SPAG16: variants seen among roughly 807,000 people sequenced by gnomAD.
SPAG16 encodes sperm-associated antigen 16 protein.
A neutral mutation model predicts 80.4 loss-of-function variants in SPAG16; 86 were observed. That is an observed-to-expected ratio of 1.07 (90% CI 0.90 to 1.28). The LOEUF (loss-of-function observed/expected upper bound fraction) is 1.28, where lower values mean the gene tolerates loss of function less well. Among genes scored for constraint, SPAG16 ranks in the 50% most tolerant of loss-of-function variants. SPAG16 has a pLI of 0.00. For missense variants in SPAG16, 870 were observed against 765.3 expected, an observed-to-expected ratio of 1.14 and a Z score of -1.61; for synonymous variants, 294 against 265.9, an observed-to-expected ratio of 1.11 and a Z score of -1.03.
At chr2:213,656,104 C>A (rs530041333) in intron 10 of SPAG16, among the ~76,000 whole-genome samples, 1 of 152,362 alleles carries the variant, frequency 6.6e-6, no homozygotes, top group Admixed American at 6.5e-5. Flanking sequence ...CCCGAATATG[C>A]TGCTATAGAC....
chr2:214,027,181 T>C (rs910258616), intron 13 of SPAG16, among the ~76,000 whole-genome samples: 1 of 151,618 alleles, frequency 6.6e-6, no homozygotes, highest in African/African-American at 2.4e-5. Context: ...TTTCCAATTT[T>C]TGTATGCTAT....
chr2:213,851,484 G>T (rs1224253264), intron 10 of SPAG16, among the ~76,000 whole-genome samples: 4 of 152,138 alleles, frequency 2.6e-5, no homozygotes, highest in Non-Finnish European at 5.9e-5. Flanking sequence ...CTCCAGCCTG[G>T]GTGACAGAGC....
intron 10 of SPAG16, among the ~76,000 whole-genome samples, chr2:213,597,688 G>T (rs994093700): frequency 6.6e-6 from 1 of 151,736 alleles, no homozygotes; most frequent in Non-Finnish European, 1.5e-5. Flanking sequence ...TACAAATGCC[G>T]CTATTTCATT....
chr2:213,958,565 G>A (rs542524756), intron 12 of SPAG16, among the ~76,000 whole-genome samples: 10 of 152,190 alleles, frequency 6.6e-5, no homozygotes, highest in African/African-American at 1.7e-4. Context: ...CCCTTTACAG[G>A]TCAGTTCCCA....
intron 10 of SPAG16, among the ~76,000 whole-genome samples, chr2:213,828,202 C>CT (rs1189189395): frequency 6.6e-6 from 1 of 151,864 alleles, no homozygotes; most frequent in Non-Finnish European, 1.5e-5. Context: ...TGTGCTTATT[C>CT]TTTTTTATTC....
chr2:214,083,235 T>A (rs1489804933), intron 13 of SPAG16, among the ~76,000 whole-genome samples: 2 of 152,160 alleles, frequency 1.3e-5, no homozygotes. Context: ...TGAGACCTCT[T>A]GTCCAGGGCC....
rs112613257 is a variant in SPAG16 at position 213,859,993 on chromosome 2, T to TTGATGATGATGA, written c.1071-2476_1071-2465dup. 9.0e-4 allele frequency among the ~76,000 whole-genome samples: 136 copies of TTGATGATGATGA among 150,674 alleles called. 1 individual carries two copies. Among genetic ancestry groups the TTGATGATGATGA allele is most frequent in the African/African-American group, 1.7e-3 (70 of 41,110 alleles). ...CAATGTTAAATATCATTACCATTAG[T>TTGATGATGATGA]TGATGATGATGATGATGATGATGAT... On this transcript the variant is annotated intron_variant, in intron 10 of 15. Transcript: ENST00000331683.
chr2:213,666,248 C>A (rs1418627603), intron 10 of SPAG16, among the ~76,000 whole-genome samples: 2 of 152,102 alleles, frequency 1.3e-5, no homozygotes, highest in East Asian at 3.9e-4. Context: ...TCAGGGAGCT[C>A]TCAAGCTTCT....
chr2:213,914,415 AATTT>A (rs958597287), intron 11 of SPAG16, among the ~76,000 whole-genome samples: 21 of 152,194 alleles, frequency 1.4e-4, no homozygotes, highest in African/African-American at 5.1e-4. Context: ...CCTTAGCAGA[AATTT>A]ATTTATTTTA....
intron 11 of SPAG16, among the ~76,000 whole-genome samples, chr2:213,898,467 A>T (rs2106113072): frequency 6.6e-6 from 1 of 152,254 alleles, no homozygotes; most frequent in East Asian, 1.9e-4. Flanking sequence ...GAAAACTGTG[A>T]TCTTTTCTGG....
chr2:214,082,926 A>T (rs1318313529), intron 13 of SPAG16, among the ~76,000 whole-genome samples: 1 of 152,060 alleles, frequency 6.6e-6, no homozygotes, highest in Non-Finnish European at 1.5e-5. Context: ...AAATAACTCT[A>T]CCATTTACCA....
At chr2:213,379,257 T>G (rs1197741587) in intron 9 of SPAG16, among the ~76,000 whole-genome samples, 1 of 152,164 alleles carries the variant, frequency 6.6e-6, no homozygotes, top group Non-Finnish European at 1.5e-5. Flanking sequence ...GAATCCTGGC[T>G]ATGGGAGAAA....
chr2:213,688,564 A>T (rs1327340937), intron 10 of SPAG16, among the ~76,000 whole-genome samples: 8 of 152,228 alleles, frequency 5.3e-5, no homozygotes, highest in African/African-American at 1.9e-4. Flanking sequence ...AAGTCACGAT[A>T]TATAGGGTTA....
chr2:214,371,488 C>T (rs1699810172), intron 15 of SPAG16, among the ~76,000 whole-genome samples: 1 of 144,020 alleles, frequency 6.9e-6, no homozygotes, highest in Non-Finnish European at 1.5e-5. Context: ...GCCAAGATTA[C>T]ACCATTGCAC....
At chr2:214,250,747 TATATATATATAG>T (rs1418114671) in intron 15 of SPAG16, among the ~76,000 whole-genome samples, 31 of 90,464 alleles carry the variant, frequency 3.4e-4, no homozygotes, top group African/African-American at 6.7e-4. Context: ...TATATATATA[TATATATATATAG>T]AGAGAGAGAG....
intron 2 of SPAG16, among the ~76,000 whole-genome samples, chr2:213,296,843 G>A (rs576801020): frequency 5.9e-5 from 9 of 152,150 alleles, no homozygotes; most frequent in Non-Finnish European, 1.3e-4. Context: ...AATCCATCAC[G>A]TCCTTTCAAG....
intron 13 of SPAG16, among the ~76,000 whole-genome samples, chr2:214,074,620 A>G (rs1013380436): frequency 6.6e-6 from 1 of 152,186 alleles, no homozygotes; most frequent in Non-Finnish European, 1.5e-5. Context: ...AACTGAAAAG[A>G]CAACCAGAGT....
At chr2:213,944,091 G>A (rs1299408513) in intron 12 of SPAG16, among the ~76,000 whole-genome samples, 1 of 152,146 alleles carries the variant, frequency 6.6e-6, no homozygotes, top group African/African-American at 2.4e-5. Context: ...TGGGCCTGGG[G>A]GACAGGGCTG....
chr2:214,041,089 T>C (rs1467212665), intron 13 of SPAG16, among the ~76,000 whole-genome samples: 1 of 152,020 alleles, frequency 6.6e-6, no homozygotes. Context: ...AACATTGTTA[T>C]ACTTTTATTT....
Sources: gnomAD v4.1 joint callset for allele counts (sites outside exome capture counted in the v4.1 genomes callset) on GRCh38, gnomAD v4.1.1 for gene constraint, MANE v1.5 for transcripts, NCBI Gene and HGNC (gene_info 2026-07-23, HGNC 2026-07-21) for gene names.